NFIC: variants seen among roughly 807,000 people sequenced by gnomAD.
NFIC encodes the protein nuclear factor 1 C-type.
NFIC carries 12 observed loss-of-function variants against 54.4 expected under a neutral mutation model. That is an observed-to-expected ratio of 0.22 (90% confidence interval 0.14 to 0.36). NFIC has a LOEUF of 0.36. Among genes scored for constraint, NFIC ranks in the 10% least tolerant of loss-of-function variants. The probability of loss-of-function intolerance (pLI) is 1.00; values close to 1 mark genes in which losing one functional copy is unlikely to be tolerated. For synonymous variants in NFIC, 322 were observed against 319.2 expected, an observed-to-expected ratio of 1.01 and a Z score of -0.09; for missense variants, 575 against 718.2, an observed-to-expected ratio of 0.80 and a Z score of 2.28.
intron 1 of NFIC, among the ~76,000 whole-genome samples, chr19:3,381,042 A>G (rs184906203): frequency 1.5e-3 from 224 of 152,166 alleles, no homozygotes; most frequent in African/African-American, 5.0e-3. Context: ...TGGGTTGTCC[A>G]TGAGCCTCCA....
rs747383316 is a variant in NFIC, at chr19:3,382,197, C to A, written c.516C>A (p.Ala172=). 2 of 1,609,370 alleles carry A rather than the reference C, an allele frequency of 1.2e-6. No homozygotes were observed. Among genetic ancestry groups the A allele is most frequent in the Admixed American group, 3.3e-5 (2 of 60,002 alleles). The part of the protein sequence containing the change: ...LCVQPHHIGV[A]VKELDLYLAY... ...TGCAGCCGCACCACATTGGCGTGGCCGTCAAGGAGCTGGACCTCTACCTGG... is the reference window on the plus strand; with the variant it reads ...TGCAGCCGCACCACATTGGCGTGGCAGTCAAGGAGCTGGACCTCTACCTGG... Residue 172 remains alanine (A), a synonymous_variant, in exon 2 of 11, where the codon GCC becomes GCA. Transcript: ENST00000443272.
In NFIC at chr19:3,463,174, C is replaced by T. The variant is rs1599737464; in HGVS notation, c.*405C>T. Reference sequence around the variant, plus strand: ...AGACGCCGGCCGCCCGCCCGCGCCCCGGAGGCCCTGGCTCTGTCCGGAGAC... The same window carrying T: ...AGACGCCGGCCGCCCGCCCGCGCCCTGGAGGCCCTGGCTCTGTCCGGAGAC... On this transcript the variant is annotated 3_prime_UTR_variant, in exon 11 of 11. Coordinates refer to ENST00000443272, the MANE Select transcript of NFIC (RefSeq NM_001245002.2). The T allele has an allele frequency of 2.8e-6, 3 of 1,070,002 alleles. No individual in the cohort carries two copies. Among genetic ancestry groups the T allele is most frequent in the South Asian group, 2.9e-5 (1 of 34,328 alleles). 66.3% of individuals were successfully genotyped at this position (1,070,002 alleles called of 1,614,324 possible).
chr19:3,448,363 G>A (rs1568192456), intron 6 of NFIC, among the ~76,000 whole-genome samples: 1 of 152,218 alleles, frequency 6.6e-6, no homozygotes, highest in Non-Finnish European at 1.5e-5. Context: ...ATGAGCCACT[G>A]TGCCTGGCCT....
intron 1 of NFIC, among the ~76,000 whole-genome samples, chr19:3,380,296 G>A (rs941821146): frequency 5.0e-5 from 7 of 140,304 alleles, no homozygotes; most frequent in Non-Finnish European, 1.1e-4. Context: ...GAGCCACCGT[G>A]CCCAGCCTTG....
chr19:3,380,315 T>A (rs2081184655), intron 1 of NFIC, among the ~76,000 whole-genome samples: 1 of 97,072 alleles, frequency 1.0e-5, no homozygotes. Flanking sequence ...TGTTCTTTTT[T>A]TTTTTTTTTT....
rs1307599042 is a variant in NFIC at position 3,435,128 on chromosome 19, G to T, written c.879G>T (p.Thr293=). The T allele has an allele frequency of 6.2e-7, 1 of 1,606,068 alleles. No homozygotes were observed. The highest frequency in any genetic ancestry group is 1.1e-5 in the South Asian group (1 of 89,504). ...KSGSMEEDVD[T]SPGGDYYTSP... Reference sequence around the variant, plus strand: ...GCTCGATGGAGGAAGACGTGGACACGAGCCCTGGCGGCGATTACTACACTT... The same window carrying T: ...GCTCGATGGAGGAAGACGTGGACACTAGCCCTGGCGGCGATTACTACACTT... The change falls in exon 6 of 11, where the codon ACG becomes ACT. Residue 293 remains threonine, a synonymous_variant. Transcript: ENST00000443272.
rs370450675 is a variant in NFIC, at chr19:3,375,498, C to A, written c.31-6214C>A. 6.6e-6 allele frequency among the ~76,000 whole-genome samples: 1 copy of A among 152,182 alleles called. No individual in the cohort carries two copies. The highest frequency in any genetic ancestry group is 1.5e-5 in the Non-Finnish European group (1 of 68,048). ...GGTCTCATCCAGTCAGGGGCAGGGA[C>A]GAGATTGGACAGGGCCTGGGCCGGG... On this transcript the variant is annotated intron_variant, in intron 1 of 10. Coordinates refer to ENST00000443272, the MANE Select transcript of NFIC (RefSeq NM_001245002.2). This position sits in a 1 kb window ranked among gnomAD's most constrained non-coding sequence, Gnocchi z 4.6.
intron 2 of NFIC, among the ~76,000 whole-genome samples, chr19:3,402,351 G>A (rs1013864572): frequency 2.6e-5 from 4 of 152,108 alleles, no homozygotes; most frequent in African/African-American, 9.7e-5. Context: ...CGCCCAGACG[G>A]TCCTTCCTTT....
intron 2 of NFIC, among the ~76,000 whole-genome samples, chr19:3,404,010 CCCCCCCAGCCCCTGGCCTGCCCCTTT>C (rs2081599816): frequency 6.6e-6 from 1 of 151,834 alleles, no homozygotes; most frequent in Non-Finnish European, 1.5e-5. Flanking sequence ...CCCTTCTCCA[CCCCCCCAGCCCCTGGCCTGCCCCTTT>C]CCCCCCATCC....
rs568662332 is a variant in NFIC, at chr19:3,463,243, C to T, written c.*474C>T. ...AGCCTGTGCCCAGGGCCGACAGGCG[C>T]GACACCCAGCAAGGCCACCTCTCCC... On this transcript the variant is annotated 3_prime_UTR_variant, in exon 11 of 11. Transcript: ENST00000443272. 24 of 991,838 alleles carry T rather than the reference C, an allele frequency of 2.4e-5. No individual in the cohort carries two copies. The South Asian group carries it at 5.5e-4, about 23-fold the overall frequency. 61.4% of individuals were successfully genotyped at this position (991,838 alleles called of 1,614,324 possible).
At chr19:3,398,563 T>A (rs965920189) in intron 2 of NFIC, among the ~76,000 whole-genome samples, 2 of 152,118 alleles carry the variant, frequency 1.3e-5, no homozygotes, top group African/African-American at 4.8e-5. Context: ...TTCTTCTGCC[T>A]GGGAGGGGGT....
At chr19:3,443,889 C>G (rs56878367) in intron 6 of NFIC, among the ~76,000 whole-genome samples, 1 of 152,200 alleles carries the variant, frequency 6.6e-6, no homozygotes. Flanking sequence ...GTCAACGCCC[C>G]GTGGTCACTG....
At position 3,375,567 on chromosome 19, in the gene NFIC, C is replaced by T. The variant is rs951067346; in HGVS notation, c.31-6145C>T. Among the ~76,000 whole-genome samples the T allele has an allele frequency of 2.0e-5, 3 of 152,210 alleles. No individual in the cohort carries two copies. The highest frequency in any genetic ancestry group is 4.4e-5 in the Non-Finnish European group (3 of 68,036). On this transcript the variant is annotated intron_variant, in intron 1 of 10. Transcript: ENST00000443272. This position sits in a 1 kb window ranked among gnomAD's most constrained non-coding sequence, Gnocchi z 4.6. The stretch of plus-strand genomic sequence containing the variant: ...TGCCTTAGCAGGTTGGCTGGGGAAG[C>T]GGGGGCAGCGGAAAAGGGCCCTGAG...
chr19:3,360,136 C>A (rs1161446616), intron 1 of NFIC, among the ~76,000 whole-genome samples: 1 of 145,678 alleles, frequency 6.9e-6, no homozygotes, highest in Non-Finnish European at 1.5e-5. Context: ...GGGGTCGCGG[C>A]GGCCCCCGCG....
intron 2 of NFIC, among the ~76,000 whole-genome samples, chr19:3,403,196 C>T (rs2081584265): frequency 6.6e-6 from 1 of 152,180 alleles, no homozygotes; most frequent in Non-Finnish European, 1.5e-5. Flanking sequence ...GTAGCAGGCT[C>T]TGGGGAGAGA....
At chr19:3,366,370 G>A (rs979730990), upstream of NFIC, among the ~76,000 whole-genome samples, 20 of 150,828 alleles carry the variant, frequency 1.3e-4, no homozygotes, top group East Asian at 3.1e-3. Flanking sequence ...GGTGTCAGAG[G>A]GTAGAGAGAG....
chr19:3,439,114 G>A (rs994369581), intron 6 of NFIC, among the ~76,000 whole-genome samples: 6 of 151,102 alleles, frequency 4.0e-5, no homozygotes, highest in Non-Finnish European at 5.9e-5. Context: ...GTTGCTGGCC[G>A]GGTGCAGTGG....
chr19:3,420,588 A>T (rs959051011), intron 2 of NFIC, among the ~76,000 whole-genome samples: 2 of 51,348 alleles, frequency 3.9e-5, no homozygotes, highest in Non-Finnish European at 1.1e-4. Flanking sequence ...AATAAATAAA[A>T]GATACAAAAT....
chr19:3,435,200 G>C lies in NFIC; in HGVS notation c.951G>C (p.Met317Ile). 1 of 1,600,974 alleles carries C rather than the reference G, an allele frequency of 6.2e-7. No homozygotes were observed. The highest frequency in any genetic ancestry group is 8.5e-7 in the Non-Finnish European group (1 of 1,172,946). The change falls in exon 6 of 11, where the codon ATG (methionine) becomes ATC (isoleucine). Residue 317 changes from methionine to isoleucine, a missense_variant. By Grantham distance (10) the Met-to-Ile change is conservative. This residue lies in a region of NFIC where 447 missense variants were observed against 526.9 expected (regional missense o/e 0.85). Coordinates refer to ENST00000443272, the MANE Select transcript of NFIC (RefSeq NM_001245002.2). ...TSSSRNWTED[M>I]EGGISSPVKK... Reference sequence around the variant, plus strand: ...GCAGCCGCAACTGGACGGAGGACATGGAAGGAGGTAGGGCTGGTGGCGGGG... The same window carrying C: ...GCAGCCGCAACTGGACGGAGGACATCGAAGGAGGTAGGGCTGGTGGCGGGG...
Sources: gnomAD v4.1 joint callset for allele counts (sites outside exome capture counted in the v4.1 genomes callset) on GRCh38, gnomAD v4.1.1 for gene constraint, gnomAD v4.1.1 regional missense constraint, Gnocchi (gnomAD v3.1) non-coding constraint, MANE v1.5 for transcripts, NCBI Gene and HGNC (gene_info 2026-07-23, HGNC 2026-07-21) for gene names.